The following KNL1 variants were observed in gnomAD, a reference collection of about 807,000 sequenced individuals.
KNL1 encodes outer kinetochore KNL1 complex subunit KNL1.
KNL1 carries 66 observed loss-of-function variants against 201.3 expected under a neutral mutation model. The ratio of observed to expected loss-of-function variants is 0.33; its 90% CI spans 0.27 to 0.40. The LOEUF (loss-of-function observed/expected upper bound fraction) is 0.40, where lower values mean the gene tolerates loss of function less well. Among genes scored for constraint, KNL1 ranks in the 10% least tolerant of loss-of-function variants. The pLI is 1.00. For synonymous variants in KNL1, 895 were observed against 899.2 expected (o/e 1.00, Z 0.08); for missense variants, 2,815 against 2,690.5 (o/e 1.05, Z -1.02).
chr15:40,636,875 C>T (rs564703989), intron 13 of KNL1, among the ~76,000 whole-genome samples: 1 of 152,188 alleles, frequency 6.6e-6, no homozygotes, highest in East Asian at 1.9e-4. Context: ...CTCCATTTCC[C>T]CTCCCCCGCA....
chr15:40,639,319 C>T (rs1893151780), intron 13 of KNL1, among the ~76,000 whole-genome samples: 2 of 150,360 alleles, frequency 1.3e-5, no homozygotes, highest in Non-Finnish European at 3.0e-5. Context: ...GGCACGATGG[C>T]TCATGTCTGT....
At chr15:40,648,450 C>T (rs932828109) in intron 17 of KNL1, among the ~76,000 whole-genome samples, 3 of 152,028 alleles carry the variant, frequency 2.0e-5, no homozygotes, top group African/African-American at 7.3e-5. Context: ...ATATATTCTC[C>T]GAGCTCAAAA....
intron 4 of KNL1, among the ~76,000 whole-genome samples, chr15:40,608,088 A>C (rs1293032639): frequency 6.6e-6 from 1 of 152,204 alleles, no homozygotes; most frequent in Non-Finnish European, 1.5e-5. Context: ...AAATGTGGTA[A>C]TATATACATG....
intron 17 of KNL1, among the ~76,000 whole-genome samples, chr15:40,649,607 TAA>T (rs1266033118): frequency 6.6e-5 from 9 of 136,790 alleles, no homozygotes; most frequent in Admixed American, 7.5e-5. Context: ...TTCTTTTATT[TAA>T]AAAAAAAAAA....
intron 22 of KNL1, among the ~76,000 whole-genome samples, chr15:40,656,006 G>C (rs116214212): frequency 1.3e-3 from 198 of 152,188 alleles, no homozygotes; most frequent in African/African-American, 4.6e-3. Context: ...TGAGCACTTA[G>C]TCTGTATCAG....
At chr15:40,612,281 A>G (rs1379113735) in intron 7 of KNL1, among the ~76,000 whole-genome samples, 1 of 151,944 alleles carries the variant, frequency 6.6e-6, no homozygotes, top group Non-Finnish European at 1.5e-5. Context: ...ATGCCACTGC[A>G]CTCCAGCCTG....
intron 14 of KNL1, chr15:40,643,291 AC>A (rs1250043694): frequency 5.9e-5 from 9 of 151,308 alleles, no homozygotes; most frequent in African/African-American, 2.2e-4. Flanking sequence ...TCCTGCCTCA[AC>A]CTCTACTACT....
chr15:40,631,556 C>T (rs1892911767), intron 13 of KNL1, among the ~76,000 whole-genome samples: 1 of 152,020 alleles, frequency 6.6e-6, no homozygotes. Flanking sequence ...CTTAAGCAGT[C>T]CACCCACCTT....
chr15:40,622,398 AATC>A lies in KNL1; in HGVS notation c.2137_2139del (p.His713del), dbSNP rs770751681. The A allele has an allele frequency of 2.7e-5, 44 of 1,613,734 alleles. No individual in the cohort carries two copies. The highest frequency in any genetic ancestry group is 3.7e-5 in the Non-Finnish European group (44 of 1,179,836). ...TTCATCAGGACAGTTCTCTATGAAA[AATC>A]ATGATACTGCTATAAGTAGTCATAC... On this transcript the variant is annotated inframe_deletion, in exon 10 of 26. Transcript: ENST00000399668.
Position 40,622,775 on chromosome 15 carries a change from A to G in KNL1, c.2511A>G (p.Lys837=), listed in dbSNP as rs1341079402. The stretch of plus-strand genomic sequence containing the variant: ...AGGACGAAAGTGTACAGAAACCTAA[A>G]TTTCCAAAGGAAAAGCAAAATGTCA... The part of the protein sequence containing the change: ...VLEDESVQKP[K]FPKEKQNVKI... Residue 837 remains lysine, a synonymous_variant, in exon 10 of 26, where the codon AAA becomes AAG. Transcript: ENST00000399668. The G allele has an allele frequency of 1.2e-6, 2 of 1,611,512 alleles. No homozygotes were observed. The highest frequency in any genetic ancestry group is 2.7e-5 in the African/African-American group (2 of 74,658).
intron 5 of KNL1, among the ~76,000 whole-genome samples, chr15:40,609,998 C>T (rs895930358): frequency 4.6e-5 from 7 of 152,076 alleles, no homozygotes; most frequent in African/African-American, 1.4e-4. Flanking sequence ...GTGATCGCAC[C>T]ACTGCAATCT....
chr15:40,609,363 C>T (rs1414095554), intron 5 of KNL1, among the ~76,000 whole-genome samples: 1 of 151,890 alleles, frequency 6.6e-6, no homozygotes, highest in East Asian at 1.9e-4. Flanking sequence ...TGCAGTGAGC[C>T]ATGATAGTGT....
intron 16 of KNL1, among the ~76,000 whole-genome samples, chr15:40,646,159 G>A (rs539243142): frequency 1.1e-4 from 17 of 152,192 alleles, no homozygotes; most frequent in African/African-American, 4.1e-4. Flanking sequence ...TTTTTAAAAG[G>A]CTCTGCATAA....
Position 40,645,076 on chromosome 15 carries a change from T to C in KNL1, c.5878T>C (p.Ser1960Pro). ...KNLWEKMRHCSDKELKAFGIY... is the reference protein window; with the variant it reads ...KNLWEKMRHCPDKELKAFGIY... ...CCTGTGGGAAAAAATGAGACACTGC[T>C]CTGACAAAGAGGTACTTTTGTCTCA... The change falls in exon 15 of 26, where the codon TCT becomes CCT. Residue 1960 changes from serine to proline, a missense_variant. Transcript: ENST00000399668. 6.2e-7 allele frequency: 1 copy of C among 1,606,800 alleles called. No homozygotes were observed. The highest frequency in any genetic ancestry group is 8.5e-7 in the Non-Finnish European group (1 of 1,174,352).
At chr15:40,596,753 C>G (rs1168645294) in intron 1 of KNL1, among the ~76,000 whole-genome samples, 1 of 151,796 alleles carries the variant, frequency 6.6e-6, no homozygotes, top group East Asian at 1.9e-4. Flanking sequence ...GTAATCCCAG[C>G]ACTTTGGGAG....
intron 9 of KNL1, among the ~76,000 whole-genome samples, chr15:40,619,414 T>G (rs889888848): frequency 6.6e-6 from 1 of 151,904 alleles, no homozygotes; most frequent in Non-Finnish European, 1.5e-5. Flanking sequence ...TTTTTTTGGT[T>G]GTTGTTAGAC....
chr15:40,654,385 C>G (rs1331405224), intron 21 of KNL1, among the ~76,000 whole-genome samples: 1 of 152,004 alleles, frequency 6.6e-6, no homozygotes, highest in African/African-American at 2.4e-5. Context: ...TAGCTGTGTA[C>G]TACCTTTTAA....
intron 25 of KNL1, among the ~76,000 whole-genome samples, chr15:40,659,980 G>A (rs1181343364): frequency 4.0e-5 from 6 of 150,152 alleles, no homozygotes; most frequent in Admixed American, 2.7e-4. Flanking sequence ...GCACGATCTC[G>A]GCTCACTGCA....
At position 40,650,318 on chromosome 15, in the gene KNL1, G is replaced by A. The variant is rs142325481; in HGVS notation, c.6112G>A (p.Asp2038Asn). The A allele has an allele frequency of 1.2e-6, 2 of 1,609,128 alleles. No homozygotes were observed. Among genetic ancestry groups the A allele is most frequent in the East Asian group, 2.2e-5 (1 of 44,788 alleles). The stretch of plus-strand genomic sequence containing the variant: ...TACTTTAGAAACTAAGAATTTGGAG[G>A]ATGAAGAGAAAAACAATCCTGTGGA... ...EMETETKNLEDEEKNNPVEEW... is the reference protein window; with the variant it reads ...EMETETKNLENEEKNNPVEEW... Residue 2038 changes from aspartate (D) to asparagine (N), a missense_variant, in exon 18 of 26, where the codon GAT becomes AAT. Transcript: ENST00000399668.
Sources: allele counts gnomAD v4.1 joint callset (sites outside exome capture counted in the v4.1 genomes callset), GRCh38; gene constraint gnomAD v4.1.1; transcripts MANE v1.5; gene names NCBI Gene and HGNC (gene_info 2026-07-23, HGNC 2026-07-21).